The following SH3BGR variants were observed in gnomAD, a reference collection of about 807,000 sequenced individuals.
SH3BGR encodes the protein SH3 domain-binding glutamic acid-rich protein.
SH3BGR carries 29 observed loss-of-function variants against 24.5 expected under a neutral mutation model. That is an observed-to-expected ratio of 1.18 (90% confidence interval 0.88 to 1.61). The LOEUF is 1.61. Among genes scored for constraint, SH3BGR ranks in the 40% most tolerant of loss-of-function variants. The pLI, the probability that SH3BGR is intolerant of heterozygous loss-of-function variation, is 0.00. For synonymous variants in SH3BGR, 55 were observed against 65.7 expected (o/e 0.84, Z 0.79); for missense variants, 162 against 205.8 (o/e 0.79, Z 1.30).
chr21:39,495,945 T>C (rs915263577), intron 3 of SH3BGR, among the ~76,000 whole-genome samples: 3 of 152,308 alleles, frequency 2.0e-5, no homozygotes, highest in Non-Finnish European at 2.9e-5. Context: ...ATATTCGATA[T>C]AATTTATCAG....
chr21:39,503,008 C>T (rs1433761417), intron 4 of SH3BGR, among the ~76,000 whole-genome samples: 2 of 150,500 alleles, frequency 1.3e-5, no homozygotes, highest in African/African-American at 4.9e-5. Context: ...TCCTCAGGGA[C>T]CGCCTAGCTT....
intron 4 of SH3BGR, among the ~76,000 whole-genome samples, chr21:39,506,598 G>T (rs959964252): frequency 6.6e-6 from 1 of 152,174 alleles, no homozygotes. Flanking sequence ...AAACAAGAGG[G>T]CTTGTGCAGG....
At chr21:39,499,975 A>G (rs2078466544) in intron 4 of SH3BGR, 60 bp downstream of exon 4, 1 of 1,232,334 alleles carries the variant, frequency 8.1e-7, no homozygotes, top group East Asian at 2.3e-5. Context: ...AGACTTTTAC[A>G]GGGCTTGTAC....
intron 1 of SH3BGR, among the ~76,000 whole-genome samples, chr21:39,452,369 G>A (rs574722133): frequency 2.0e-5 from 3 of 152,278 alleles, no homozygotes; most frequent in East Asian, 3.9e-4. Flanking sequence ...GTAAGGAGGC[G>A]TGCTTGACAC....
chr21:39,494,597 G>C (rs1012721635), intron 3 of SH3BGR, among the ~76,000 whole-genome samples: 3 of 151,734 alleles, frequency 2.0e-5, no homozygotes, highest in Non-Finnish European at 4.4e-5. Context: ...GTTTCCTGTA[G>C]ATAGTGTATG....
intron 4 of SH3BGR, among the ~76,000 whole-genome samples, chr21:39,502,302 A>G (rs777271365): frequency 6.6e-6 from 1 of 152,192 alleles, no homozygotes; most frequent in African/African-American, 2.4e-5. Flanking sequence ...TGTTTTGAAC[A>G]TTGATTTTGA....
upstream of SH3BGR, among the ~76,000 whole-genome samples, chr21:39,450,542 C>T (rs969338722): frequency 3.3e-5 from 5 of 152,076 alleles, no homozygotes; most frequent in East Asian, 1.9e-4. Context: ...CTCTCTGCTT[C>T]GGAACGTCGG....
At chr21:39,471,148 C>A (rs1005866548) in intron 2 of SH3BGR, among the ~76,000 whole-genome samples, 18 of 150,424 alleles carry the variant, frequency 1.2e-4, no homozygotes, top group African/African-American at 4.4e-4. Flanking sequence ...TCGTCTTCTT[C>A]TTCCCCTCTC....
chr21:39,456,711 TC>T (rs2077660695), intron 1 of SH3BGR, among the ~76,000 whole-genome samples: 1 of 152,204 alleles, frequency 6.6e-6, no homozygotes, highest in African/African-American at 2.4e-5. Flanking sequence ...ATAGGCCTGA[TC>T]CTGGGGAATT....
At chr21:39,490,650 A>G (rs949222230) in intron 3 of SH3BGR, among the ~76,000 whole-genome samples, 2 of 151,710 alleles carry the variant, frequency 1.3e-5, no homozygotes, top group Non-Finnish European at 2.9e-5. Context: ...TTTGCCTGGG[A>G]TAGTTTTTCC....
intron 3 of SH3BGR, among the ~76,000 whole-genome samples, chr21:39,487,798 C>T (rs1569165352): frequency 6.6e-6 from 1 of 152,178 alleles, no homozygotes; most frequent in South Asian, 2.1e-4. Flanking sequence ...CTATTGAAAG[C>T]ATTTTTGAGT....
intron 4 of SH3BGR, among the ~76,000 whole-genome samples, chr21:39,500,553 T>C (rs2078477238): frequency 6.6e-6 from 1 of 151,988 alleles, no homozygotes; most frequent in Non-Finnish European, 1.5e-5. Flanking sequence ...GGGCCACTTC[T>C]TCAAGGAGTT....
intron 4 of SH3BGR, among the ~76,000 whole-genome samples, chr21:39,502,908 G>A (rs1299696150): frequency 6.6e-6 from 1 of 152,070 alleles, no homozygotes; most frequent in Non-Finnish European, 1.5e-5. Flanking sequence ...GTATGAGCAG[G>A]GCCTGGGCAG....
rs556991326 is a variant in SH3BGR, at chr21:39,511,443, CAT to C, written c.436-236_436-235del. Among the ~76,000 whole-genome samples the C allele has an allele frequency of 1.2e-3, 153 of 132,446 alleles. No individual in the cohort carries two copies. Among genetic ancestry groups the C allele is most frequent in the Non-Finnish European group, 1.8e-3 (114 of 62,076 alleles). The allele number at this position is 132,446 out of a possible 152,430, so 86.9% of individuals were successfully genotyped here. A position where few individuals can be genotyped will look rare whatever the true frequency, so the allele number is the denominator to read the frequency against. On this transcript the variant is annotated intron_variant, in intron 5 of 6. Transcript: ENST00000333634. This position sits in a 1 kb window ranked among gnomAD's most constrained non-coding sequence, Gnocchi z 4.2. ...GTGGGGGGGTGTGTGTGCTGTGTGT[CAT>C]GTGTGTTTCCGTGGTGTGTGTGTGT...
chr21:39,473,216 A>G (rs2077970402), intron 2 of SH3BGR, among the ~76,000 whole-genome samples: 1 of 152,230 alleles, frequency 6.6e-6, no homozygotes, highest in African/African-American at 2.4e-5. Context: ...GAAGCAAAAG[A>G]CTAGTTCACT....
chr21:39,484,080 A>G (rs1198349751), intron 3 of SH3BGR, among the ~76,000 whole-genome samples: 6 of 152,250 alleles, frequency 3.9e-5, no homozygotes, highest in Non-Finnish European at 8.8e-5. Context: ...GAGGCAAGAA[A>G]AGTTAGTAGG....
At chr21:39,499,255 C>CATCTATCTATCTATTTATCTATCT (rs111762804) in intron 3 of SH3BGR, among the ~76,000 whole-genome samples, 1 of 151,198 alleles carries the variant, frequency 6.6e-6, no homozygotes, top group East Asian at 2.0e-4. Context: ...ACCTATCTAT[C>CATCTATCTATCTATTTATCTATCT]ATCTGTCTAT....
At chr21:39,461,006 T>G (rs1046837787) in intron 1 of SH3BGR, among the ~76,000 whole-genome samples, 4 of 152,184 alleles carry the variant, frequency 2.6e-5, no homozygotes, top group Non-Finnish European at 2.9e-5. Context: ...AATTCTGACT[T>G]ACTTTTTGGC....
chr21:39,489,613 C>T (rs2078265739), intron 3 of SH3BGR, among the ~76,000 whole-genome samples: 1 of 152,186 alleles, frequency 6.6e-6, no homozygotes, highest in African/African-American at 2.4e-5. Context: ...ATTCTTACTC[C>T]AGAGGGACAG....
Sources: allele counts gnomAD v4.1 joint callset (sites outside exome capture counted in the v4.1 genomes callset), GRCh38; gene constraint gnomAD v4.1.1; non-coding constraint Gnocchi (gnomAD v3.1); transcripts MANE v1.5; gene names NCBI Gene and HGNC (gene_info 2026-07-23, HGNC 2026-07-21).